Variants in FAF1 observed in about 807,000 individuals in gnomAD.
The protein encoded by FAF1 is Fas associated factor 1, also known as FAS-associated factor 1.
In FAF1, 25 loss-of-function variants were observed where a neutral mutation model predicts 92.5. The ratio of observed to expected loss-of-function variants is 0.27; its 90% confidence interval spans 0.20 to 0.38. FAF1 has a LOEUF of 0.38. Among genes scored for constraint, FAF1 ranks in the 10% least tolerant of loss-of-function variants. FAF1 has a pLI of 1.00. For missense variants in FAF1, 636 were observed against 793.3 expected (o/e 0.80, Z 2.38); for synonymous variants, 234 against 273.2 (o/e 0.86, Z 1.42).
chr1:50,701,397 C>T (rs1424186670), intron 7 of FAF1, among the ~76,000 whole-genome samples: 2 of 132,242 alleles, frequency 1.5e-5, no homozygotes, highest in Non-Finnish European at 3.3e-5. Flanking sequence ...ACAAAACAAA[C>T]AAACCAAAAA....
At chr1:50,492,945 G>T (rs1646856548) in intron 15 of FAF1, among the ~76,000 whole-genome samples, 1 of 151,986 alleles carries the variant, frequency 6.6e-6, no homozygotes, top group Admixed American at 6.6e-5. Flanking sequence ...TTGCTGGCCT[G>T]AAGGTAATTG....
chr1:50,564,722 A>G (rs1416112740), intron 13 of FAF1, among the ~76,000 whole-genome samples: 2 of 152,148 alleles, frequency 1.3e-5, no homozygotes, highest in African/African-American at 4.8e-5. Context: ...AATTTTATTT[A>G]GATGAATCTG....
intron 8 of FAF1, among the ~76,000 whole-genome samples, chr1:50,633,625 G>A (rs746671319): frequency 2.6e-5 from 4 of 152,188 alleles, no homozygotes; most frequent in Non-Finnish European, 2.9e-5. Context: ...GCAACCAGCA[G>A]GGAATAAGTA....
At chr1:50,901,883 C>A (rs527779489) in intron 1 of FAF1, among the ~76,000 whole-genome samples, 1 of 152,206 alleles carries the variant, frequency 6.6e-6, no homozygotes, top group South Asian at 2.1e-4. Flanking sequence ...CAACAACAAA[C>A]CCTGTTACAG....
intron 16 of FAF1, among the ~76,000 whole-genome samples, chr1:50,490,997 C>T (rs1206174902): frequency 1.3e-5 from 2 of 152,112 alleles, no homozygotes; most frequent in Non-Finnish European, 2.9e-5. Context: ...GTACCCAAAT[C>T]TAAAGCTATT....
intron 9 of FAF1, among the ~76,000 whole-genome samples, chr1:50,585,620 G>A (rs1379079527): frequency 3.9e-5 from 6 of 152,038 alleles, no homozygotes; most frequent in Middle Eastern, 3.2e-3. Flanking sequence ...GTAAGAAGAC[G>A]GTCCAAGCAA....
At chr1:50,820,238 AT>A (rs1384702634) in intron 2 of FAF1, among the ~76,000 whole-genome samples, 1 of 152,158 alleles carries the variant, frequency 6.6e-6, no homozygotes, top group East Asian at 1.9e-4. Flanking sequence ...AACATAGTTA[AT>A]GTCAAGTATT....
chr1:50,670,127 G>GAA (rs1008153553), intron 7 of FAF1, among the ~76,000 whole-genome samples: 4 of 74,742 alleles, frequency 5.4e-5, no homozygotes, highest in East Asian at 4.5e-4. Context: ...GTCTCAAAAA[G>GAA]AAAAAAAAAA....
At chr1:50,442,956 G>A (rs903220275) in intron 18 of FAF1, among the ~76,000 whole-genome samples, 5 of 152,180 alleles carry the variant, frequency 3.3e-5, no homozygotes, top group Admixed American at 6.5e-5. Context: ...GAGTGGGAAG[G>A]GCCTAGCCTG....
chr1:50,819,636 ACT>A (rs1455404473), intron 2 of FAF1, among the ~76,000 whole-genome samples: 29 of 101,412 alleles, frequency 2.9e-4, no homozygotes, highest in African/African-American at 1.4e-3. Context: ...TGACTGACTC[ACT>A]CACACACACA....
chr1:50,747,977 C>T (rs996582371), intron 4 of FAF1, among the ~76,000 whole-genome samples: 7 of 152,180 alleles, frequency 4.6e-5, no homozygotes, highest in African/African-American at 7.2e-5. Context: ...TAGATGTTGC[C>T]ATGCTTCCTG....
At chr1:50,716,350 TA>T (rs1287871035) in intron 6 of FAF1, among the ~76,000 whole-genome samples, 1 of 152,192 alleles carries the variant, frequency 6.6e-6, no homozygotes, top group Non-Finnish European at 1.5e-5. Context: ...GCCCACCTAT[TA>T]ATACATTAAT....
intron 18 of FAF1, among the ~76,000 whole-genome samples, chr1:50,462,938 G>C (rs568059657): frequency 1.3e-5 from 2 of 152,288 alleles, no homozygotes; most frequent in South Asian, 4.2e-4. Context: ...TCAGAGAAAG[G>C]TTAACACAGC....
intron 8 of FAF1, among the ~76,000 whole-genome samples, chr1:50,655,148 G>C (rs1413465367): frequency 6.6e-6 from 1 of 151,690 alleles, no homozygotes; most frequent in African/African-American, 2.4e-5. Context: ...TCAACCTCCT[G>C]AGTAGTGGGA....
intron 8 of FAF1, among the ~76,000 whole-genome samples, chr1:50,648,833 G>GGA (rs2124272468): frequency 6.6e-6 from 1 of 152,310 alleles, no homozygotes; most frequent in East Asian, 1.9e-4. Flanking sequence ...AGCTGAGGTA[G>GGA]GAGAATCACT....
chr1:50,769,788 C>T (rs371426770), intron 4 of FAF1, among the ~76,000 whole-genome samples: 1 of 152,116 alleles, frequency 6.6e-6, no homozygotes, highest in Non-Finnish European at 1.5e-5. Flanking sequence ...TGGTGGCTCA[C>T]GTCTATGATC....
intron 8 of FAF1, among the ~76,000 whole-genome samples, chr1:50,599,650 C>T (rs552688373): frequency 1.8e-4 from 28 of 152,114 alleles, no homozygotes; most frequent in Non-Finnish European, 3.8e-4. Flanking sequence ...TTCTATGTGA[C>T]AAATGGGAAG....
At chr1:50,797,204 T>G (rs1172652171) in intron 3 of FAF1, among the ~76,000 whole-genome samples, 1 of 151,932 alleles carries the variant, frequency 6.6e-6, no homozygotes, top group Non-Finnish European at 1.5e-5. Context: ...ATCCCATCAG[T>G]TTTCACTAAC....
chr1:50,768,962 T>A (rs1660678625), intron 4 of FAF1, among the ~76,000 whole-genome samples: 1 of 150,624 alleles, frequency 6.6e-6, no homozygotes, highest in Non-Finnish European at 1.5e-5. Flanking sequence ...TGAAGGAAAC[T>A]GAGACATAAA....
Sources: gnomAD v4.1 joint callset for allele counts (sites outside exome capture counted in the v4.1 genomes callset) on GRCh38, gnomAD v4.1.1 for gene constraint, MANE v1.5 for transcripts, NCBI Gene and HGNC (gene_info 2026-07-23, HGNC 2026-07-21) for gene names.